Variants in EPG5 observed in about 807,000 individuals in gnomAD.
EPG5 encodes ectopic P-granules 5 autophagy tethering factor.
Under a neutral mutation model 302.7 loss-of-function variants are expected in EPG5, and 159 were observed. The ratio of observed to expected loss-of-function variants is 0.53; its 90% CI spans 0.46 to 0.60. The LOEUF is 0.60. Among genes scored for constraint, EPG5 ranks in the 20% least tolerant of loss-of-function variants. EPG5 has a pLI of 0.00. For missense variants in EPG5, 2,896 were observed against 3,092.4 expected, an observed-to-expected ratio of 0.94 and a Z score of 1.51; for synonymous variants, 1,158 against 1,136.8, an observed-to-expected ratio of 1.02 and a Z score of -0.37.
At chr18:45,927,856 C>T (rs578045040) in intron 13 of EPG5, among the ~76,000 whole-genome samples, 29 of 152,124 alleles carry the variant, frequency 1.9e-4, no homozygotes, top group African/African-American at 7.0e-4. Flanking sequence ...CTTAGGACCC[C>T]AACCTAAGAA....
chr18:45,858,805 T>C, intron 40 of EPG5, 23 bp from the exon 41 acceptor site: 5 of 1,478,636 alleles, frequency 3.4e-6, no homozygotes, highest in Non-Finnish European at 4.7e-6. Context: ...AGAAGAGACA[T>C]CAAGATATAG....
the EPG5 span, among the ~76,000 whole-genome samples, chr18:45,808,302 A>G: frequency 1.3e-5 from 2 of 152,228 alleles, no homozygotes; most frequent in Non-Finnish European, 1.5e-5. Context: ...TGGAAAACCT[A>G]TTTGGGGGAA....
chr18:45,890,810 G>A (rs929428168), intron 27 of EPG5, among the ~76,000 whole-genome samples: 2 of 152,142 alleles, frequency 1.3e-5, no homozygotes, highest in Non-Finnish European at 2.9e-5. Flanking sequence ...TGACAGCTGT[G>A]GGGGATATGG....
intron 23 of EPG5, among the ~76,000 whole-genome samples, chr18:45,909,400 C>T (rs1357270929): frequency 1.3e-5 from 2 of 152,110 alleles, no homozygotes; most frequent in Non-Finnish European, 2.9e-5. Flanking sequence ...CAACAAGCAA[C>T]ATAAGGGAAG....
chr18:45,939,531 C>G (rs2145879968), intron 10 of EPG5, 69 bp downstream of exon 10: 2 of 1,451,552 alleles, frequency 1.4e-6, no homozygotes, highest in East Asian at 4.6e-5. Context: ...ACTTAAGTGG[C>G]TTTCACCGAA....
Position 45,899,438 on chromosome 18 carries a change from T to G in EPG5, c.4775A>C (p.Lys1592Thr). Residue 1592 changes from lysine to threonine, a missense_variant, in exon 27 of 44, where the codon AAG becomes ACG. Transcript: ENST00000282041. Reference sequence around the variant, plus strand: ...GACAACTGCGGCTCCTTGGCATTTCTTACCGCTGCTGCCTCTGCACTCCAA... The same window carrying G: ...GACAACTGCGGCTCCTTGGCATTTCGTACCGCTGCTGCCTCTGCACTCCAA... ...LHLECRGSSG[K>T]KCQGAAVVTV... The G allele has an allele frequency of 6.2e-7, 1 of 1,614,224 alleles. No homozygotes were observed. Among genetic ancestry groups the G allele is most frequent in the Non-Finnish European group, 8.5e-7 (1 of 1,180,038 alleles).
intron 5 of EPG5, 61 bp downstream of exon 5, chr18:45,949,423 G>T: frequency 8.8e-6 from 8 of 912,094 alleles, no homozygotes; most frequent in South Asian, 3.6e-5. Context: ...ATTTCTTCAG[G>T]AATAATGTCT....
intron 7 of EPG5, among the ~76,000 whole-genome samples, chr18:45,946,083 A>G (rs2050779999): frequency 6.6e-6 from 1 of 152,236 alleles, no homozygotes; most frequent in Non-Finnish European, 1.5e-5. Context: ...TTACAAATCT[A>G]ATCACAATGA....
At chr18:45,857,581 A>G (rs1328247774) in intron 42 of EPG5, 1 of 368,432 alleles carries the variant, frequency 2.7e-6, no homozygotes, top group African/African-American at 2.1e-5. Context: ...TAGTGCAGTT[A>G]GGTTACAAAG....
intron 33 of EPG5, 22 bp downstream of exon 33, chr18:45,878,991 C>T: frequency 1.2e-6 from 2 of 1,603,644 alleles, no homozygotes; most frequent in South Asian, 2.2e-5. Context: ...CCTAGCTCCA[C>T]ATCGCATGAG....
intron 2 of EPG5, chr18:45,953,574 T>C (rs2050958225): frequency 7.1e-6 from 7 of 985,162 alleles, no homozygotes; most frequent in Non-Finnish European, 8.4e-6. Flanking sequence ...CCTTGCCATC[T>C]CTCCTAAGCC....
chr18:45,956,607 A>G (rs12607848), intron 1 of EPG5, among the ~76,000 whole-genome samples: 45,063 of 151,654 alleles, frequency 0.3, 9,295 homozygotes, highest in African/African-American at 0.57. Flanking sequence ...CAGGCACCTG[A>G]CTAATTTTTT....
intron 11 of EPG5, among the ~76,000 whole-genome samples, chr18:45,932,239 A>G (rs971738092): frequency 1.3e-5 from 2 of 152,328 alleles, no homozygotes; most frequent in East Asian, 1.9e-4. Flanking sequence ...ACAATGGGAA[A>G]GTGAAATAAC....
rs756772032 is a variant in EPG5, at chr18:45,857,961, C to T, written c.7334G>A (p.Arg2445Gln). The T allele has an allele frequency of 1.2e-6, 2 of 1,613,472 alleles. No individual in the cohort carries two copies. Residue 2445 changes from arginine to glutamine, a missense_variant, in exon 42 of 44, where the codon CGA becomes CAA. By Grantham distance (43) the Arg-to-Gln change is conservative. Transcript: ENST00000282041. ...NDSVLTESVI[R>Q]ILLLVQSRQN... ...CCTGCTCTGAACCAAGAGCAGAATTCGAATGACAGATTCTGTCAGGACGGA... is the reference window on the plus strand; with the variant it reads ...CCTGCTCTGAACCAAGAGCAGAATTTGAATGACAGATTCTGTCAGGACGGA...
chr18:45,949,652 G>A, intron 4 of EPG5, 61 bp from the exon 5 acceptor site: 1 of 1,080,490 alleles, frequency 9.3e-7, no homozygotes, highest in Non-Finnish European at 1.4e-6. Context: ...TTATCTAGGG[G>A]TCTAGTAAAG....
At chr18:45,907,221 G>C (rs866764617) in intron 24 of EPG5, 5 of 152,000 alleles carry the variant, frequency 3.3e-5, no homozygotes, top group Non-Finnish European at 5.9e-5. Context: ...CCAAATGAAA[G>C]TGTTTCAACT....
At chr18:45,922,735 G>A in intron 15 of EPG5, 135 bp from the exon 16 acceptor site, 1 of 1,091,874 alleles carries the variant, frequency 9.2e-7, no homozygotes, top group South Asian at 1.6e-5. Flanking sequence ...TCCAATTAAT[G>A]TTCACTGCAC....
chr18:45,929,230 A>G (rs2050346539), intron 12 of EPG5, among the ~76,000 whole-genome samples: 1 of 152,218 alleles, frequency 6.6e-6, no homozygotes, highest in Admixed American at 6.5e-5. Flanking sequence ...TCTTATAACA[A>G]TGACTTCAAG....
At chr18:45,925,620 C>G in intron 14 of EPG5, 118 bp downstream of exon 14, 5 of 728,798 alleles carry the variant, frequency 6.9e-6, no homozygotes, top group Non-Finnish European at 1.0e-5. Flanking sequence ...GACACAGCTA[C>G]AAAGAATTTG....
Sources: gnomAD v4.1 joint callset for allele counts (sites outside exome capture counted in the v4.1 genomes callset) on GRCh38, gnomAD v4.1.1 for gene constraint, MANE v1.5 for transcripts, NCBI Gene and HGNC (gene_info 2026-07-23, HGNC 2026-07-21) for gene names.